Variants in RTL4 observed in about 807,000 individuals in gnomAD.
RTL4 encodes the protein retrotransposon Gag-like protein 4.
A neutral mutation model predicts 5.3 loss-of-function variants in RTL4; 4 were observed. The observed-to-expected ratio is 0.75, with a 90% CI of 0.37 to 1.72. The LOEUF (loss-of-function observed/expected upper bound fraction) is 1.72. Among genes scored for constraint, RTL4 ranks in the 40% most tolerant of loss-of-function variants. RTL4 has a pLI of 0.04. For missense variants in RTL4, 260 were observed against 227.1 expected, an observed-to-expected ratio of 1.14 and a Z score of -0.93; for synonymous variants, 98 against 87.3, an observed-to-expected ratio of 1.12 and a Z score of -0.68.
the RTL4 span, among the ~76,000 whole-genome samples, chrX:112,358,145 G>A: frequency 2.7e-5 from 3 of 109,810 alleles, no homozygotes; most frequent in African/African-American, 1.0e-4. Context: ...GTCTCACTCT[G>A]TTGTCCACGC....
At chrX:112,212,102 C>T in the RTL4 span, among the ~76,000 whole-genome samples, 1 of 112,535 alleles carries the variant, frequency 8.9e-6, no homozygotes, top group African/African-American at 3.2e-5. Flanking sequence ...GTGGGCCGGG[C>T]GCGGTGGCTC....
the RTL4 span, among the ~76,000 whole-genome samples, chrX:112,251,086 CA>C: frequency 1.9e-4 from 21 of 111,708 alleles, no homozygotes; most frequent in East Asian, 5.6e-3. Context: ...ATTTAGTCCT[CA>C]AAAAGATTAC....
At chrX:112,335,723 CT>C in the RTL4 span, among the ~76,000 whole-genome samples, 2 of 110,723 alleles carry the variant, frequency 1.8e-5, no homozygotes, top group African/African-American at 6.5e-5. Context: ...GAATCTTATT[CT>C]TTTTATTCCA....
At chrX:112,411,580 T>A in the RTL4 span, among the ~76,000 whole-genome samples, 1 of 111,468 alleles carries the variant, frequency 9.0e-6, no homozygotes, top group Non-Finnish European at 1.9e-5. Flanking sequence ...ATACATCATG[T>A]CAAGAGAATG....
At chrX:112,375,225 G>A in the RTL4 span, among the ~76,000 whole-genome samples, 3 of 111,211 alleles carry the variant, frequency 2.7e-5, no homozygotes, top group South Asian at 1.2e-3. Flanking sequence ...CTGGCTAGGA[G>A]GAAGAGGGAT....
chrX:112,271,531 A>G, the RTL4 span, among the ~76,000 whole-genome samples: 1 of 111,969 alleles, frequency 8.9e-6, no homozygotes, highest in Non-Finnish European at 1.9e-5. Flanking sequence ...TTGTGTACCT[A>G]GAACTGAGGG....
At chrX:112,161,264 G>A in the RTL4 span, among the ~76,000 whole-genome samples, 1 of 111,684 alleles carries the variant, frequency 9.0e-6, no homozygotes, top group Non-Finnish European at 1.9e-5. Context: ...TCTTATAGGT[G>A]CCTATGTGGT....
At chrX:112,329,301 A>G in the RTL4 span, among the ~76,000 whole-genome samples, 1 of 111,367 alleles carries the variant, frequency 9.0e-6, no homozygotes, top group Non-Finnish European at 1.9e-5. Context: ...AATCAAATAG[A>G]TGCAATAAAA....
chrX:112,150,928 G>T, the RTL4 span, among the ~76,000 whole-genome samples: 1 of 112,056 alleles, frequency 8.9e-6, no homozygotes, highest in South Asian at 3.8e-4. Flanking sequence ...GTTTGTTTCT[G>T]CTCTTCTTGT....
At chrX:112,416,734 G>A in the RTL4 span, among the ~76,000 whole-genome samples, 1 of 111,680 alleles carries the variant, frequency 9.0e-6, no homozygotes, top group Non-Finnish European at 1.9e-5. Flanking sequence ...TTCTATTGTT[G>A]GCAAGGTGAA....
the RTL4 span, among the ~76,000 whole-genome samples, chrX:112,084,404 G>T: frequency 1.8e-5 from 2 of 110,227 alleles, no homozygotes; most frequent in Non-Finnish European, 3.8e-5. Flanking sequence ...TTTGTGTCTG[G>T]GGGGAAGGGA....
At chrX:112,447,355 G>C in the RTL4 span, among the ~76,000 whole-genome samples, 1 of 112,039 alleles carries the variant, frequency 8.9e-6, no homozygotes, top group South Asian at 3.7e-4. Flanking sequence ...TCAACTATGT[G>C]TAAATACATA....
chrX:112,278,353 G>A, the RTL4 span, among the ~76,000 whole-genome samples: 9 of 111,967 alleles, frequency 8.0e-5, no homozygotes, highest in East Asian at 2.5e-3. Context: ...TGGCAGTCAG[G>A]CCTTTACCTC....
the RTL4 span, among the ~76,000 whole-genome samples, chrX:112,400,391 T>C: frequency 8.9e-6 from 1 of 111,984 alleles, no homozygotes; most frequent in Admixed American, 9.5e-5. Context: ...TAGAACTTCA[T>C]TGTGTTCTTT....
At chrX:112,354,959 CA>C in the RTL4 span, among the ~76,000 whole-genome samples, 2 of 111,353 alleles carry the variant, frequency 1.8e-5, no homozygotes, top group Non-Finnish European at 1.9e-5. Context: ...AAATAATCAA[CA>C]CTTTCTATGT....
the RTL4 span, among the ~76,000 whole-genome samples, chrX:112,157,728 G>T: frequency 2.4e-3 from 271 of 112,240 alleles, no homozygotes; most frequent in African/African-American, 8.6e-3. Flanking sequence ...GGCACAGAAA[G>T]CCTCAACACT....
the RTL4 span, among the ~76,000 whole-genome samples, chrX:112,266,172 A>G: frequency 9.0e-6 from 1 of 110,992 alleles, no homozygotes; most frequent in Admixed American, 9.7e-5. Flanking sequence ...CACTTGCCAT[A>G]TAACACCCAA....
chrX:112,261,228 A>C, the RTL4 span, among the ~76,000 whole-genome samples: 1 of 111,552 alleles, frequency 9.0e-6, no homozygotes, highest in Non-Finnish European at 1.9e-5. Context: ...AGGGTATTCA[A>C]TTAGGAAAAG....
At chrX:112,428,920 C>G in the RTL4 span, among the ~76,000 whole-genome samples, 3 of 111,559 alleles carry the variant, frequency 2.7e-5, no homozygotes, top group Non-Finnish European at 5.7e-5. Flanking sequence ...CCCCTAATAA[C>G]TTTCCTTGCC....
Sources: gnomAD v4.1 joint callset for allele counts (sites outside exome capture counted in the v4.1 genomes callset) on GRCh38, gnomAD v4.1.1 for gene constraint, MANE v1.5 for transcripts, NCBI Gene and HGNC (gene_info 2026-07-23, HGNC 2026-07-21) for gene names.